GPC3: variants seen among roughly 807,000 people sequenced by gnomAD.
GPC3 encodes the protein glypican 3, also known as glypican-3.
Under a neutral mutation model 34.4 loss-of-function variants are expected in GPC3, and 3 were observed. That is an observed-to-expected ratio of 0.09 (90% confidence interval 0.04 to 0.23). The LOEUF (loss-of-function observed/expected upper bound fraction) is 0.23, where lower values mean the gene tolerates loss of function less well. GPC3 is among the 10% of genes least tolerant of loss of function. GPC3 has a pLI of 1.00. For synonymous variants in GPC3, 177 were observed against 174.0 expected, an observed-to-expected ratio of 1.02 and a Z score of -0.13; for missense variants, 351 against 445.6, an observed-to-expected ratio of 0.79 and a Z score of 1.91.
chrX:133,833,901 C>A (rs1041853277), intron 2 of GPC3, among the ~76,000 whole-genome samples: 7 of 111,710 alleles, frequency 6.3e-5, no homozygotes, highest in African/African-American at 2.3e-4. Context: ...GTGTGTCTGT[C>A]TCTGGGTGTG....
intron 2 of GPC3, among the ~76,000 whole-genome samples, chrX:133,943,775 C>T (rs2076354755): frequency 9.0e-6 from 1 of 111,620 alleles, no homozygotes; most frequent in South Asian, 3.8e-4. Flanking sequence ...GAATCTTGTT[C>T]ACAGTGTTCT....
intron 2 of GPC3, among the ~76,000 whole-genome samples, chrX:133,802,990 G>A (rs1444698399): frequency 1.0e-5 from 1 of 97,467 alleles, no homozygotes; most frequent in African/African-American, 3.9e-5. Context: ...GTGTGATCTC[G>A]GCTCACTGCA....
intron 3 of GPC3, among the ~76,000 whole-genome samples, chrX:133,729,942 A>G (rs918093239): frequency 8.9e-6 from 1 of 112,489 alleles, no homozygotes; most frequent in African/African-American, 3.2e-5. Context: ...CTTTCACAAG[A>G]TTGTCTGGAA....
intron 2 of GPC3, among the ~76,000 whole-genome samples, chrX:133,831,936 TC>T (rs1444566550): frequency 9.0e-6 from 1 of 110,570 alleles, no homozygotes; most frequent in Non-Finnish European, 1.9e-5. Context: ...TACCACCATT[TC>T]CCCCCCTTTT....
chrX:133,658,902 T>G (rs2070693218), intron 6 of GPC3, among the ~76,000 whole-genome samples: 1 of 111,473 alleles, frequency 9.0e-6, no homozygotes, highest in African/African-American at 3.3e-5. Context: ...GGAGACAATA[T>G]GGGAGAGAAA....
At chrX:133,852,985 C>A (rs866887502) in intron 2 of GPC3, among the ~76,000 whole-genome samples, 265 of 42,172 alleles carry the variant, frequency 6.3e-3, no homozygotes, top group East Asian at 9.5e-3. Flanking sequence ...TTTTAAATTC[C>A]AAAAAAAAAA....
intron 7 of GPC3, among the ~76,000 whole-genome samples, chrX:133,566,421 T>G (rs1002813796): frequency 8.9e-6 from 1 of 111,967 alleles, no homozygotes; most frequent in African/African-American, 3.3e-5. Context: ...CAGGCACTTC[T>G]GTTCATAGCA....
At chrX:133,927,518 C>T (rs1431252360) in intron 2 of GPC3, among the ~76,000 whole-genome samples, 2 of 109,587 alleles carry the variant, frequency 1.8e-5, no homozygotes, top group African/African-American at 6.6e-5. Flanking sequence ...CCTCTGTCAC[C>T]CAGGCTGGAG....
chrX:133,835,807 C>T (rs1331208532), intron 2 of GPC3, among the ~76,000 whole-genome samples: 1 of 112,508 alleles, frequency 8.9e-6, no homozygotes, highest in Admixed American at 9.4e-5. Context: ...CTTCTATTAT[C>T]AGGAAAAAAA....
At chrX:133,619,283 C>T (rs1229924129) in intron 6 of GPC3, among the ~76,000 whole-genome samples, 1 of 112,109 alleles carries the variant, frequency 8.9e-6, no homozygotes, top group African/African-American at 3.2e-5. Context: ...GGTGGTTCTT[C>T]AATCAGATAA....
intron 6 of GPC3, among the ~76,000 whole-genome samples, chrX:133,640,854 C>T (rs1479023953): frequency 2.7e-5 from 3 of 111,684 alleles, no homozygotes; most frequent in Admixed American, 9.5e-5. Context: ...AACTAATTGT[C>T]CATACTGTTA....
intron 2 of GPC3, among the ~76,000 whole-genome samples, chrX:133,780,747 C>T (rs2072036841): frequency 9.0e-6 from 1 of 111,544 alleles, no homozygotes; most frequent in Non-Finnish European, 1.9e-5. Flanking sequence ...GATCAATGGG[C>T]AACATCACCT....
intron 2 of GPC3, among the ~76,000 whole-genome samples, chrX:133,889,454 C>T (rs752949137): frequency 1.4e-4 from 16 of 111,704 alleles, no homozygotes; most frequent in East Asian, 2.8e-4. Flanking sequence ...CTTTCTTATC[C>T]GATAAATATG....
At chrX:133,809,798 C>A (rs1315967501) in intron 2 of GPC3, among the ~76,000 whole-genome samples, 1 of 111,578 alleles carries the variant, frequency 9.0e-6, no homozygotes, top group Non-Finnish European at 1.9e-5. Context: ...TTCTGCGAGT[C>A]CTTGTTTCCC....
At chrX:133,561,956 T>G (rs1253254287) in intron 7 of GPC3, among the ~76,000 whole-genome samples, 1 of 112,319 alleles carries the variant, frequency 8.9e-6, no homozygotes, top group Admixed American at 9.5e-5. Context: ...CCAGAATGAA[T>G]GCATTTTCCA....
In GPC3 at chrX:133,750,735, G is replaced by A. The variant is rs114897081; in HGVS notation, c.1032+2747C>T. ...GTCTAGTGCCTGATCAAAACAGTGC[G>A]CTTAATTCTTTACAAGTTCCTCACC... On this transcript the variant is annotated intron_variant, in intron 3 of 7. Coordinates refer to ENST00000370818, the MANE Select transcript of GPC3 (RefSeq NM_004484.4). Among the ~76,000 whole-genome samples, 1,045 of 111,682 alleles carry A rather than the reference G, an allele frequency of 9.4e-3. 23 individuals carry two copies. The highest frequency in any genetic ancestry group is 0.033 in the African/African-American group (1,002 of 30,732).
intron 6 of GPC3, among the ~76,000 whole-genome samples, chrX:133,643,403 G>A (rs1476969589): frequency 9.0e-6 from 1 of 111,426 alleles, no homozygotes; most frequent in Non-Finnish European, 1.9e-5. Context: ...GCTTTGCTTT[G>A]GTCCAGCGTG....
chrX:133,730,226 G>A lies in GPC3; in HGVS notation c.1032+23256C>T, dbSNP rs368846834. Reference sequence around the variant, plus strand: ...ATGATTTGCATCTCACATTTTCAATGACCTTTATAGTACTCATCTGCAAAT... The same window carrying A: ...ATGATTTGCATCTCACATTTTCAATAACCTTTATAGTACTCATCTGCAAAT... On this transcript the variant is annotated intron_variant, in intron 3 of 7. Transcript: ENST00000370818. Among the ~76,000 whole-genome samples, 393 of 111,789 alleles carry A rather than the reference G, an allele frequency of 3.5e-3. 1 individual carries two copies. The highest frequency in any genetic ancestry group is 0.012 in the African/African-American group (368 of 30,815).
chrX:133,661,681 C>T, intron 6 of GPC3, 49 bp downstream of exon 6: 1 of 463,909 alleles, frequency 2.2e-6, no homozygotes, highest in Non-Finnish European at 3.2e-6. Flanking sequence ...CCTCCTCTCT[C>T]TCGGTTATTT....
Sources: allele counts gnomAD v4.1 joint callset (sites outside exome capture counted in the v4.1 genomes callset), GRCh38; gene constraint gnomAD v4.1.1; transcripts MANE v1.5; gene names NCBI Gene and HGNC (gene_info 2026-07-23, HGNC 2026-07-21).